The following HM13 variants were observed in gnomAD, a reference collection of about 807,000 sequenced individuals.
HM13 encodes the protein histocompatibility minor 13.
HM13 carries 18 observed loss-of-function variants against 50.0 expected under a neutral mutation model. The observed-to-expected ratio is 0.36, with a 90% CI of 0.25 to 0.53. HM13 has a LOEUF of 0.53. HM13 is among the 20% of genes least tolerant of loss of function. The pLI is 0.90. For synonymous variants in HM13, 197 were observed against 232.6 expected (o/e 0.85, Z 1.39); for missense variants, 393 against 552.4 (o/e 0.71, Z 2.89).
intron 2 of HM13, chr20:31,535,155 G>T (rs1019055871): frequency 1.3e-5 from 2 of 151,864 alleles, no homozygotes; most frequent in Admixed American, 6.6e-5. Context: ...CCTATTTGTG[G>T]GGATGTTGAG....
intron 4 of HM13, among the ~76,000 whole-genome samples, chr20:31,546,044 CT>C (rs35862306): frequency 0.025 from 2,590 of 103,172 alleles, 29 homozygotes; most frequent in African/African-American, 0.043. Context: ...AAATCTAGCA[CT>C]TTTTTTTTTT....
chr20:31,548,156 C>G (rs184671632), intron 4 of HM13: 3 of 796,200 alleles, frequency 3.8e-6, no homozygotes, highest in Non-Finnish European at 6.5e-6. Flanking sequence ...TGTGGTTATG[C>G]TAAATAAGTT....
intron 12 of HM13, 98 bp from the exon 13 acceptor site, chr20:31,569,022 G>A (rs1985104249): frequency 8.6e-6 from 7 of 809,934 alleles, no homozygotes; most frequent in South Asian, 1.7e-5. Flanking sequence ...GTGACCAGGC[G>A]CTTTCCTAGG....
At chr20:31,545,213 C>CCCTGG (rs1216791099) in intron 4 of HM13, among the ~76,000 whole-genome samples, 178 bp downstream of exon 4, 1 of 152,146 alleles carries the variant, frequency 6.6e-6, no homozygotes, top group African/African-American at 2.4e-5. Context: ...CCTGGGTGAA[C>CCCTGG]GCCTTACCTC....
intron 4 of HM13, among the ~76,000 whole-genome samples, chr20:31,545,535 C>A (rs1983664637): frequency 6.6e-6 from 1 of 152,102 alleles, no homozygotes; most frequent in Non-Finnish European, 1.5e-5. Context: ...GAGGCCAAGA[C>A]AGGATGATCA....
chr20:31,541,918 G>A (rs912786932), intron 3 of HM13, among the ~76,000 whole-genome samples: 1 of 152,252 alleles, frequency 6.6e-6, no homozygotes, highest in African/African-American at 2.4e-5. Flanking sequence ...TAAGGGCAAA[G>A]TGAGGTTTTG....
chr20:31,566,797 G>A (rs993671362), intron 11 of HM13, among the ~76,000 whole-genome samples: 1 of 151,684 alleles, frequency 6.6e-6, no homozygotes. Flanking sequence ...CTCTATATCT[G>A]TATCTCACAC....
intron 2 of HM13, among the ~76,000 whole-genome samples, chr20:31,537,966 C>G (rs1307775474): frequency 6.6e-6 from 1 of 152,188 alleles, no homozygotes; most frequent in Non-Finnish European, 1.5e-5. Flanking sequence ...CTTACAAACC[C>G]CTTTGCGAGG....
At chr20:31,561,112 G>C (rs147531608) in intron 9 of HM13, among the ~76,000 whole-genome samples, 22 of 152,300 alleles carry the variant, frequency 1.4e-4, no homozygotes, top group African/African-American at 5.1e-4. Flanking sequence ...ATAGGCTATT[G>C]AACTATTACG....
Position 31,538,258 on chromosome 20 carries a change from T to C in HM13, c.362T>C (p.Ile121Thr). Residue 121 changes from isoleucine (I) to threonine (T), a missense_variant, in exon 3 of 13, where the codon ATC becomes ACC. Ile to Thr is a moderately conservative substitution (Grantham distance 89). This residue lies in a region of HM13 where 214 missense variants were observed against 276.1 expected (regional missense o/e 0.77). Coordinates refer to ENST00000398174, the MANE Select transcript of HM13 (RefSeq NM_178581.3). ...GGAATCCTGGCCCTGTCCCACACCA[T>C]CAGGTCAGAAGGCATCTCTCTGCAA... ...VLGILALSHT[I>T]SPFMNKFFPA... The C allele has an allele frequency of 6.2e-7, 1 of 1,614,152 alleles. No individual in the cohort carries two copies. The highest frequency in any genetic ancestry group is 1.1e-5 in the South Asian group (1 of 91,072).
intron 3 of HM13, among the ~76,000 whole-genome samples, chr20:31,544,107 G>A (rs1983590960): frequency 6.6e-6 from 1 of 152,232 alleles, no homozygotes. Flanking sequence ...GTATACAGAT[G>A]AGAAGATTGA....
intron 3 of HM13, among the ~76,000 whole-genome samples, chr20:31,544,600 G>T (rs998863173): frequency 2.6e-5 from 4 of 152,236 alleles, no homozygotes; most frequent in Non-Finnish European, 5.9e-5. Flanking sequence ...TAGGTGGCAT[G>T]TGGGCCAGAC....
chr20:31,563,332 TCC>T (rs1958774911), intron 10 of HM13: 1 of 152,258 alleles, frequency 6.6e-6, no homozygotes. Context: ...ACACAGGTAG[TCC>T]CAGTGCTAGC....
At chr20:31,567,835 C>T (rs1985009738) in intron 11 of HM13, 3 of 475,364 alleles carry the variant, frequency 6.3e-6, no homozygotes, top group Admixed American at 8.3e-5. Context: ...TCCACAGCAG[C>T]ACATACACTT....
At chr20:31,543,667 T>C (rs762405692) in intron 3 of HM13, among the ~76,000 whole-genome samples, 157 of 151,770 alleles carry the variant, frequency 1.0e-3, no homozygotes, top group Admixed American at 1.5e-3. Context: ...CGCGGTGGCT[T>C]ACGCCTGTAA....
At chr20:31,559,747 C>T (rs1984508672) in intron 9 of HM13, 100 bp downstream of exon 9, 1 of 1,082,402 alleles carries the variant, frequency 9.2e-7, no homozygotes, top group Admixed American at 1.7e-5. Flanking sequence ...AGACCCTCCA[C>T]CCCCACAGCA....
chr20:31,533,789 CCT>C (rs1479550228), intron 2 of HM13, among the ~76,000 whole-genome samples: 1 of 152,128 alleles, frequency 6.6e-6, no homozygotes, highest in African/African-American at 2.4e-5. Flanking sequence ...ATTTCATATG[CCT>C]CTCTCTCAAG....
intron 1 of HM13, among the ~76,000 whole-genome samples, chr20:31,522,234 C>T (rs996039029): frequency 6.6e-6 from 1 of 152,170 alleles, no homozygotes; most frequent in African/African-American, 2.4e-5. Context: ...GCATATCTTT[C>T]TGCCTGATAA....
intron 8 of HM13, among the ~76,000 whole-genome samples, chr20:31,556,711 C>T (rs998777277): frequency 2.0e-5 from 3 of 152,216 alleles, no homozygotes; most frequent in Middle Eastern, 3.4e-3. Flanking sequence ...AAGCACCTGT[C>T]GTGTACCAAG....
Sources: allele counts gnomAD v4.1 joint callset (sites outside exome capture counted in the v4.1 genomes callset), GRCh38; gene constraint gnomAD v4.1.1; regional missense constraint gnomAD v4.1.1; transcripts MANE v1.5; gene names NCBI Gene and HGNC (gene_info 2026-07-23, HGNC 2026-07-21).